The following RNF17 variants were observed in gnomAD, a reference collection of about 807,000 sequenced individuals.
RNF17 encodes spermatogenesis associated 23.
RNF17 carries 31 observed loss-of-function variants against 200.5 expected under a neutral mutation model. The ratio of observed to expected loss-of-function variants is 0.15; its 90% CI spans 0.12 to 0.21. The LOEUF (loss-of-function observed/expected upper bound fraction) is 0.21. Ranked by LOEUF, RNF17 falls within the 10% of genes least tolerant of loss-of-function variation. The pLI is 1.00. For synonymous variants in RNF17, 606 were observed against 637.8 expected (o/e 0.95, Z 0.75); for missense variants, 1,628 against 1,905.1 (o/e 0.85, Z 2.71).
intron 31 of RNF17, among the ~76,000 whole-genome samples, chr13:24,869,855 C>G (rs925112476): frequency 1.3e-5 from 2 of 151,768 alleles, no homozygotes; most frequent in African/African-American, 2.4e-5. Flanking sequence ...GAAGCCTTAA[C>G]TTCCCAGGCT....
the RNF17 span, chr13:24,885,429 C>T: frequency 7.3e-7 from 1 of 1,378,876 alleles, no homozygotes; most frequent in Non-Finnish European, 1.0e-6. Context: ...CCTACTCTTA[C>T]TTCCAAAGCC....
downstream of RNF17, among the ~76,000 whole-genome samples, chr13:24,883,699 T>A (rs1953931148): frequency 6.6e-6 from 1 of 152,208 alleles, no homozygotes; most frequent in South Asian, 2.1e-4. Flanking sequence ...TTGCTCTGTA[T>A]CAGGTGGGGA....
chr13:24,878,849 C>T (rs949015420), intron 34 of RNF17, among the ~76,000 whole-genome samples: 2 of 152,046 alleles, frequency 1.3e-5, no homozygotes, highest in East Asian at 1.9e-4. Flanking sequence ...TCAATCCAGC[C>T]AAGTTAACAA....
chr13:24,870,053 C>T (rs1689725953), intron 31 of RNF17, among the ~76,000 whole-genome samples: 1 of 151,524 alleles, frequency 6.6e-6, no homozygotes. Context: ...ACCATTCTCC[C>T]ACCTCAGCCT....
At chr13:24,851,428 T>A (rs1165039320) in intron 23 of RNF17, 28 bp from the exon 24 acceptor site, 1 of 1,464,912 alleles carries the variant, frequency 6.8e-7, no homozygotes, top group Non-Finnish European at 9.5e-7. Flanking sequence ...TGGTGTTTCA[T>A]ATTTACTCTG....
At chr13:24,780,379 G>C (rs1279950664) in intron 5 of RNF17, among the ~76,000 whole-genome samples, 1 of 152,184 alleles carries the variant, frequency 6.6e-6, no homozygotes, top group African/African-American at 2.4e-5. Context: ...CTTAGTACCA[G>C]ATATAGTGGA....
intron 16 of RNF17, among the ~76,000 whole-genome samples, chr13:24,827,632 G>A (rs1888834911): frequency 7.0e-6 from 1 of 143,664 alleles, no homozygotes; most frequent in Non-Finnish European, 1.5e-5. Context: ...AACCCGGGAG[G>A]CGGAGCTTGC....
chr13:24,865,638 G>C (rs1463250162), intron 29 of RNF17, among the ~76,000 whole-genome samples: 1 of 151,936 alleles, frequency 6.6e-6, no homozygotes, highest in African/African-American at 2.4e-5. Context: ...TATTCATTTT[G>C]GTGGTAGTAC....
chr13:24,828,084 G>A (rs1379895761), intron 16 of RNF17, among the ~76,000 whole-genome samples: 4 of 152,162 alleles, frequency 2.6e-5, no homozygotes, highest in Non-Finnish European at 4.4e-5. Flanking sequence ...TATCTTTGGA[G>A]CAAACAAAAG....
intron 14 of RNF17, among the ~76,000 whole-genome samples, chr13:24,803,357 G>T (rs1885483266): frequency 6.6e-6 from 1 of 152,188 alleles, no homozygotes; most frequent in Non-Finnish European, 1.5e-5. Flanking sequence ...GAGTGCAGTA[G>T]CACAGCCTCA....
At chr13:24,832,824 G>C (rs1486144631) in intron 18 of RNF17, among the ~76,000 whole-genome samples, 3 of 152,108 alleles carry the variant, frequency 2.0e-5, no homozygotes, top group Non-Finnish European at 4.4e-5. Context: ...GCTCACTGCA[G>C]CCTCAACCTC....
chr13:24,879,575 A>G (rs1438969869), intron 35 of RNF17, among the ~76,000 whole-genome samples, 162 bp from the exon 36 acceptor site: 1 of 152,190 alleles, frequency 6.6e-6, no homozygotes, highest in Non-Finnish European at 1.5e-5. Context: ...TAAGCACATA[A>G]ATATCTGCTA....
At position 24,764,311 on chromosome 13, in the gene RNF17, A is replaced by G. The variant is rs144807650; in HGVS notation, c.108A>G (p.Gly36=). Residue 36 remains glycine (G), a synonymous_variant, in exon 1 of 36, where the codon GGA becomes GGG. Transcript: ENST00000255324. ...GAAEIQCTRC[G]RRVSRSSGHH... Reference sequence around the variant, plus strand: ...CTGAAATCCAGTGCACCAGGTGTGGAAGGAGGGTATCCAGATCATCCGGTG... The same window carrying G: ...CTGAAATCCAGTGCACCAGGTGTGGGAGGAGGGTATCCAGATCATCCGGTG... 186 of 1,609,486 alleles carry G rather than the reference A, an allele frequency of 1.2e-4. No individual in the cohort carries two copies. Among genetic ancestry groups the G allele is most frequent in the Non-Finnish European group, 1.5e-4 (176 of 1,177,276 alleles).
intron 24 of RNF17, among the ~76,000 whole-genome samples, chr13:24,852,161 C>T (rs1202015787): frequency 5.2e-5 from 7 of 135,458 alleles, no homozygotes; most frequent in South Asian, 2.3e-4. Context: ...TTTTCTGAGA[C>T]GGAGTCTGGC....
chr13:24,786,821 G>T (rs1022618791), intron 6 of RNF17, among the ~76,000 whole-genome samples: 1 of 152,064 alleles, frequency 6.6e-6, no homozygotes, highest in South Asian at 2.1e-4. Flanking sequence ...TCAGCAGTTG[G>T]AGTTCCTTGA....
downstream of RNF17, chr13:24,883,149 C>CTGT (rs1953910308): frequency 6.3e-7 from 1 of 1,589,866 alleles, no homozygotes; most frequent in Admixed American, 1.7e-5. Context: ...AAGTCAGTTA[C>CTGT]TGTTACTTCA....
intron 18 of RNF17, among the ~76,000 whole-genome samples, chr13:24,840,290 TAC>T (rs1375692673): frequency 1.3e-5 from 2 of 152,188 alleles, no homozygotes; most frequent in African/African-American, 4.8e-5. Flanking sequence ...TGTAAACTAG[TAC>T]AGTTACTATG....
intron 27 of RNF17, 42 bp downstream of exon 27, chr13:24,861,429 T>C: frequency 8.0e-7 from 1 of 1,255,272 alleles, no homozygotes; most frequent in Non-Finnish European, 1.1e-6. Context: ...TTTTAAATAT[T>C]AGTTTTTATT....
At chr13:24,824,009 G>T (rs992902480) in intron 15 of RNF17, among the ~76,000 whole-genome samples, 1 of 152,174 alleles carries the variant, frequency 6.6e-6, no homozygotes, top group Non-Finnish European at 1.5e-5. Flanking sequence ...GTTCTGGTCT[G>T]TTCCCTCTGG....
Sources: allele counts gnomAD v4.1 joint callset (sites outside exome capture counted in the v4.1 genomes callset), GRCh38; gene constraint gnomAD v4.1.1; transcripts MANE v1.5; gene names NCBI Gene and HGNC (gene_info 2026-07-23, HGNC 2026-07-21).